The following RBPMS variants were observed in gnomAD, a reference collection of about 807,000 sequenced individuals.
RBPMS encodes the protein RNA binding protein, mRNA processing factor.
RBPMS carries 7 observed loss-of-function variants against 26.8 expected under a neutral mutation model. That is an observed-to-expected ratio of 0.26 (90% CI 0.15 to 0.49). The LOEUF (loss-of-function observed/expected upper bound fraction) is 0.49. Among genes scored for constraint, RBPMS ranks in the 20% least tolerant of loss-of-function variants. The probability of loss-of-function intolerance (pLI) is 0.98; values close to 1 mark genes in which losing one functional copy is unlikely to be tolerated. For missense variants in RBPMS, 186 were observed against 250.0 expected, an observed-to-expected ratio of 0.74 and a Z score of 1.73; for synonymous variants, 96 against 93.3, an observed-to-expected ratio of 1.03 and a Z score of -0.17.
chr8:30,530,492 C>T (rs1338981698), intron 5 of RBPMS, among the ~76,000 whole-genome samples: 1 of 151,752 alleles, frequency 6.6e-6, no homozygotes, highest in Non-Finnish European at 1.5e-5. Flanking sequence ...GATGGAGTTT[C>T]GCTCTTGTTG....
At chr8:30,468,320 TTTTTTTGCACTTTCTC>T (rs1364511789) in intron 1 of RBPMS, among the ~76,000 whole-genome samples, 5 of 152,154 alleles carry the variant, frequency 3.3e-5, no homozygotes, top group African/African-American at 1.2e-4. Context: ...GGTCCTGAAT[TTTTTTTGCACTTTCTC>T]TTTTTGGGTC....
intron 1 of RBPMS, among the ~76,000 whole-genome samples, chr8:30,472,864 T>C (rs575580593): frequency 6.6e-6 from 1 of 152,230 alleles, no homozygotes; most frequent in East Asian, 1.9e-4. Flanking sequence ...TCTCTTGAGC[T>C]CAGGAGTTTG....
At chr8:30,480,397 T>C (rs16877076) in intron 4 of RBPMS, among the ~76,000 whole-genome samples, 3,674 of 152,280 alleles carry the variant, frequency 0.024, 143 homozygotes, top group African/African-American at 0.084. Flanking sequence ...CTTAGAGGTC[T>C]AAGGAAAAGT....
intron 1 of RBPMS, among the ~76,000 whole-genome samples, chr8:30,389,906 G>T (rs989774227): frequency 6.6e-6 from 1 of 152,112 alleles, no homozygotes; most frequent in Non-Finnish European, 1.5e-5. Context: ...CAGGGCCACC[G>T]TGCTCTCTAA....
At position 30,384,576 on chromosome 8, in the gene RBPMS, G is replaced by C. The variant is rs1390634690; in HGVS notation, c.-517G>C. ...TGGAGCGCGTACTCAGCGGCTCTCG[G>C]GTCCCAGCGTCCCAGCCGCGGCCCG... On this transcript the variant is annotated 5_prime_UTR_variant, in exon 1 of 9. Transcript: ENST00000397323. This position sits in a 1 kb window ranked among gnomAD's most constrained non-coding sequence, Gnocchi z 5.6. 1 of 155,764 alleles carries C rather than the reference G, an allele frequency of 6.4e-6. No homozygotes were observed. Among genetic ancestry groups the C allele is most frequent in the Non-Finnish European group, 1.4e-5 (1 of 70,812 alleles). 9.6% of individuals were successfully genotyped at this position (155,764 alleles called of 1,614,324 possible).
chr8:30,467,882 T>G (rs570314736), intron 1 of RBPMS, among the ~76,000 whole-genome samples: 4 of 152,352 alleles, frequency 2.6e-5, no homozygotes, highest in South Asian at 2.1e-4. Flanking sequence ...GCTTGTAATT[T>G]AAATGCCAAA....
intron 6 of RBPMS, chr8:30,556,762 G>C: frequency 2.0e-6 from 2 of 986,028 alleles, no homozygotes; most frequent in Non-Finnish European, 2.4e-6. Flanking sequence ...TAGTGAGCAA[G>C]TGGATTCAGA....
chr8:30,414,383 G>C (rs1272365265), intron 1 of RBPMS, among the ~76,000 whole-genome samples: 1 of 152,200 alleles, frequency 6.6e-6, no homozygotes, highest in Admixed American at 6.5e-5. Context: ...AGTAGTGGTG[G>C]GAAGTGGGAC....
chr8:30,473,536 C>A (rs867277259), intron 1 of RBPMS, among the ~76,000 whole-genome samples: 16 of 152,182 alleles, frequency 1.1e-4, no homozygotes, highest in Middle Eastern at 3.4e-3. Flanking sequence ...GACAGTATGG[C>A]GATTCCTCAA....
intron 1 of RBPMS, among the ~76,000 whole-genome samples, chr8:30,455,795 C>T (rs779423129): frequency 2.6e-5 from 4 of 152,082 alleles, no homozygotes; most frequent in Admixed American, 6.5e-5. Context: ...GAGGCTGAGT[C>T]GGGAGAATGG....
chr8:30,499,777 CAA>C (rs1156888346), intron 4 of RBPMS, among the ~76,000 whole-genome samples: 2 of 151,926 alleles, frequency 1.3e-5, no homozygotes, highest in Admixed American at 1.3e-4. Flanking sequence ...ATCAGGAAAA[CAA>C]AGAGATGTCC....
At chr8:30,499,927 A>G (rs867431734) in intron 4 of RBPMS, among the ~76,000 whole-genome samples, 36 of 151,714 alleles carry the variant, frequency 2.4e-4, no homozygotes, top group South Asian at 1.9e-3. Flanking sequence ...GTGAAATGCT[A>G]ACATCTAAGA....
Position 30,511,481 on chromosome 8 carries a change from AAAAAAATATATATAT to A in RBPMS, c.397+7047_397+7061del, listed in dbSNP as rs1310337630. Among the ~76,000 whole-genome samples, 93 of 73,158 alleles carry A rather than the reference AAAAAAATATATATAT, an allele frequency of 1.3e-3. 2 individuals carry two copies. The highest frequency in any genetic ancestry group is 5.8e-3 in the African/African-American group (74 of 12,848). The allele number at this position is 73,158 out of a possible 152,430, so 48.0% of individuals were successfully genotyped here. On this transcript the variant is annotated intron_variant, in intron 5 of 8. Transcript: ENST00000397323. The stretch of plus-strand genomic sequence containing the variant: ...TTTAAAACAAAAAAAGAAAAAAAAA[AAAAAAATATATATAT>A]ATATATATATATATATATATATATA...
At chr8:30,485,153 G>A (rs866539590) in intron 4 of RBPMS, among the ~76,000 whole-genome samples, 2 of 152,284 alleles carry the variant, frequency 1.3e-5, no homozygotes, top group Middle Eastern at 3.4e-3. Context: ...ATTTTGGCTT[G>A]GTTAGACAGT....
At chr8:30,493,438 G>A (rs1027880952) in intron 4 of RBPMS, among the ~76,000 whole-genome samples, 2 of 152,142 alleles carry the variant, frequency 1.3e-5, no homozygotes, top group Non-Finnish European at 2.9e-5. Context: ...ACTACTGGCA[G>A]CACCAGCCAC....
chr8:30,516,441 G>T (rs1429942943), intron 5 of RBPMS, among the ~76,000 whole-genome samples: 1 of 152,072 alleles, frequency 6.6e-6, no homozygotes, highest in East Asian at 1.9e-4. Context: ...TTTAAAATGG[G>T]TCTTTTATTT....
chr8:30,512,282 G>A (rs751183911), intron 5 of RBPMS, among the ~76,000 whole-genome samples: 2 of 151,514 alleles, frequency 1.3e-5, no homozygotes, highest in Non-Finnish European at 2.9e-5. Context: ...TTTTGTTTTT[G>A]TTTATTTTAT....
intron 1 of RBPMS, chr8:30,387,130 A>G (rs1242094404): frequency 2.0e-5 from 3 of 152,178 alleles, no homozygotes; most frequent in Non-Finnish European, 4.4e-5. Flanking sequence ...TAGGAATGGC[A>G]TGTGGCTCTA....
intron 8 of RBPMS, among the ~76,000 whole-genome samples, chr8:30,568,619 G>A (rs1828056276): frequency 6.6e-6 from 1 of 152,202 alleles, no homozygotes; most frequent in Admixed American, 6.5e-5. Context: ...GTATGTCATA[G>A]TCGGCCCCTT....
Sources: allele counts gnomAD v4.1 joint callset (sites outside exome capture counted in the v4.1 genomes callset), GRCh38; gene constraint gnomAD v4.1.1; non-coding constraint Gnocchi (gnomAD v3.1); transcripts MANE v1.5; gene names NCBI Gene and HGNC (gene_info 2026-07-23, HGNC 2026-07-21).